The following ASMTL variants were observed in gnomAD, a reference collection of about 807,000 sequenced individuals.
ASMTL encodes probable bifunctional dTTP/UTP pyrophosphatase/methyltransferase protein.
A neutral mutation model predicts 60.3 loss-of-function variants in ASMTL; 57 were observed. The ratio of observed to expected loss-of-function variants is 0.95; its 90% CI spans 0.76 to 1.18. ASMTL has a LOEUF of 1.18. Ranked by LOEUF, ASMTL falls within the 50% of genes most tolerant of loss-of-function variation. ASMTL has a pLI of 0.00. For synonymous variants in ASMTL, 419 were observed against 373.0 expected (o/e 1.12, Z -1.42); for missense variants, 981 against 852.6 (o/e 1.15, Z -1.88).
At chrX:1,427,379 T>G (rs1476685080) in intron 7 of ASMTL, among the ~76,000 whole-genome samples, 1 of 151,630 alleles carries the variant, frequency 6.6e-6, no homozygotes, top group Non-Finnish European at 1.5e-5. Flanking sequence ...TCTTGGCAGA[T>G]GTAATTAAGA....
intron 6 of ASMTL, among the ~76,000 whole-genome samples, chrX:1,430,921 CATTATAT>C (rs775038409): frequency 0.024 from 3,342 of 139,908 alleles, 146 homozygotes; most frequent in African/African-American, 0.084. Flanking sequence ...ACACATAATA[CATTATAT>C]ATTATATATA....
Position 1,412,658 on chromosome X carries a change from C to T in ASMTL, c.1645+74G>A, listed in dbSNP as rs764134613. The T allele has an allele frequency of 1.4e-4, 221 of 1,603,864 alleles. 1 individual carries two copies. Among genetic ancestry groups the T allele is most frequent in the African/African-American group, 6.1e-4 (46 of 74,830 alleles). Reference sequence around the variant, plus strand: ...GATGACAGGCGTGAGCCACCGCGCCCGGCCTCCTTGTAAAACTTGAACCCA... The same window carrying T: ...GATGACAGGCGTGAGCCACCGCGCCTGGCCTCCTTGTAAAACTTGAACCCA... On this transcript the variant is annotated intron_variant, in intron 12 of 12. Coordinates refer to ENST00000381317, the MANE Select transcript of ASMTL (RefSeq NM_004192.4).
At chrX:1,451,062 C>A (rs2091363319) in intron 1 of ASMTL, among the ~76,000 whole-genome samples, 2 of 148,738 alleles carry the variant, frequency 1.3e-5, no homozygotes, top group South Asian at 4.3e-4. Flanking sequence ...TCTCCCCTCC[C>A]CCATACCTAG....
At chrX:1,421,994 A>G in intron 8 of ASMTL, 152 bp from the exon 9 acceptor site, 2 of 716,916 alleles carry the variant, frequency 2.8e-6, no homozygotes, top group Non-Finnish European at 4.9e-6. Flanking sequence ...TAGGGGATGC[A>G]TCATTGAGAT....
chrX:1,404,620 CGAAT>C lies in ASMTL; in HGVS notation c.1646-1135_1646-1132del, dbSNP rs766081554. On this transcript the variant is annotated intron_variant, in intron 12 of 12. Coordinates refer to ENST00000381317, the MANE Select transcript of ASMTL (RefSeq NM_004192.4). The stretch of plus-strand genomic sequence containing the variant: ...GATAGATGATGGGTAGGTAGGTAGA[CGAAT>C]GGACGGATAGATGGATGCATGGATG... Among the ~76,000 whole-genome samples, 657 of 114,342 alleles carry C rather than the reference CGAAT, an allele frequency of 5.7e-3. 7 individuals carry two copies. The highest frequency in any genetic ancestry group is 0.021 in the African/African-American group (619 of 29,246). The allele number at this position is 114,342 out of a possible 152,430, so 75.0% of individuals were successfully genotyped here. A position where few individuals can be genotyped will look rare whatever the true frequency, so the allele number is the denominator to read the frequency against.
Position 1,431,516 on chromosome X carries a change from AATC to A in ASMTL, c.509+750_509+752del, listed in dbSNP as rs762802875. On this transcript the variant is annotated intron_variant, in intron 6 of 12. Transcript: ENST00000381317. ...CTACTTATTAAAATTAATCATTAAA[AATC>A]ATTAAATTTCAATCAAAAGTGTTAA... Among the ~76,000 whole-genome samples, 1,071 of 140,776 alleles carry A rather than the reference AATC, an allele frequency of 7.6e-3. 15 individuals are homozygous for A. The highest frequency in any genetic ancestry group is 0.026 in the African/African-American group (1,023 of 39,044). The allele number at this position is 140,776 out of a possible 152,430, so 92.4% of individuals were successfully genotyped here.
intron 11 of ASMTL, among the ~76,000 whole-genome samples, chrX:1,416,276 C>T: frequency 6.7e-6 from 1 of 148,748 alleles, no homozygotes; most frequent in Non-Finnish European, 1.5e-5. Context: ...CACAGATACA[C>T]CAACAGACAG....
intron 6 of ASMTL, among the ~76,000 whole-genome samples, chrX:1,431,274 T>A (rs2090776264): frequency 1.6e-5 from 2 of 128,850 alleles, no homozygotes; most frequent in South Asian, 4.7e-4. Context: ...TATATATTTA[T>A]ATATAAATAA....
chrX:1,421,236 G>T (rs1235303238), intron 9 of ASMTL, among the ~76,000 whole-genome samples: 1 of 152,050 alleles, frequency 6.6e-6, no homozygotes, highest in African/African-American at 2.4e-5. Flanking sequence ...AACTAGCTGG[G>T]ATTACAGGCT....
At chrX:1,440,056 C>G (rs1352964763) in intron 2 of ASMTL, among the ~76,000 whole-genome samples, 2 of 151,508 alleles carry the variant, frequency 1.3e-5, no homozygotes, top group African/African-American at 4.8e-5. Context: ...GCACGACTCA[C>G]AACAGCCTTA....
Position 1,433,548 on chromosome X carries a change from G to A in ASMTL, c.401-1171C>T, listed in dbSNP as rs1296425564. 1.4e-4 allele frequency among the ~76,000 whole-genome samples: 21 copies of A among 151,200 alleles called. No individual in the cohort carries two copies. The South Asian group carries it at 4.4e-3, about 32-fold the overall frequency. ...ATAGAAAAAATTAGCCGGGCGTGGTGGCGGGCCCGTCGTCCCAGCTACTCG... is the reference window on the plus strand; with the variant it reads ...ATAGAAAAAATTAGCCGGGCGTGGTAGCGGGCCCGTCGTCCCAGCTACTCG... On this transcript the variant is annotated intron_variant, in intron 5 of 12. Coordinates refer to ENST00000381317, the MANE Select transcript of ASMTL (RefSeq NM_004192.4).
chrX:1,452,522 A>C (rs2091422916), intron 1 of ASMTL, among the ~76,000 whole-genome samples: 2 of 110,918 alleles, frequency 1.8e-5, no homozygotes, highest in African/African-American at 3.6e-5. Context: ...CCCCACCCCC[A>C]TGCCTAGGGG....
intron 11 of ASMTL, among the ~76,000 whole-genome samples, chrX:1,417,122 TGCACACAGACACAC>T (rs1179658624): frequency 1.4e-5 from 2 of 147,864 alleles, no homozygotes; most frequent in Admixed American, 1.4e-4. Context: ...CCCAGACACA[TGCACACAGACACAC>T]AACCACAGCA....
intron 2 of ASMTL, among the ~76,000 whole-genome samples, chrX:1,439,940 G>T (rs1360048701): frequency 1.3e-5 from 2 of 152,092 alleles, no homozygotes; most frequent in African/African-American, 2.4e-5. Flanking sequence ...AGAGCAACAG[G>T]CAGTCACAGG....
At position 1,420,045 on chromosome X, in the gene ASMTL, ATGTC is replaced by A. The variant is rs1412698893; in HGVS notation, c.1246-935_1246-932del. Among the ~76,000 whole-genome samples, 30 of 49,420 alleles carry A rather than the reference ATGTC, an allele frequency of 6.1e-4. No individual in the cohort carries two copies. The South Asian group carries it at 6.9e-3, about 11-fold the overall frequency. The allele number at this position is 49,420 out of a possible 152,430, so 32.4% of individuals were successfully genotyped here. ...TCTATCTCCCTCTGTCTCTGTCTCTATGTCTGTCTCCTGTTTCTGTCTCTATCTG... is the reference window on the plus strand; with the variant it reads ...TCTATCTCCCTCTGTCTCTGTCTCTATGTCTCCTGTTTCTGTCTCTATCTG... On this transcript the variant is annotated intron_variant, in intron 9 of 12. Coordinates refer to ENST00000381317, the MANE Select transcript of ASMTL (RefSeq NM_004192.4).
rs1418793788 is a variant in ASMTL, at chrX:1,421,683, C to T, written c.1220G>A (p.Gly407Glu). Residue 407 changes from glycine to glutamate, a missense_variant, in exon 9 of 13, where the codon GGG (glycine) becomes GAG (glutamate). By Grantham distance (98) the Gly-to-Glu change is moderately conservative. Coordinates refer to ENST00000381317, the MANE Select transcript of ASMTL (RefSeq NM_004192.4). The stretch of plus-strand genomic sequence containing the variant: ...CTGGAACAGATCTTCCGCCTTCTTC[C>T]CCAACGCCCTGTGGTGCTGGTTTGT... ...EGTNQHHRAL[G>E]KKAEDLFQDA... 8 of 1,613,746 alleles carry T rather than the reference C, an allele frequency of 5.0e-6. No homozygotes were observed. The highest frequency in any genetic ancestry group is 1.7e-5 in the Admixed American group (1 of 59,970).
chrX:1,417,022 C>G (rs1388503886), intron 11 of ASMTL, among the ~76,000 whole-genome samples: 2 of 22,884 alleles, frequency 8.7e-5, no homozygotes, highest in African/African-American at 1.1e-4. Flanking sequence ...CTCAGAAACA[C>G]ACAGAGACAC....
chrX:1,413,379 G>A (rs2090111377), intron 11 of ASMTL, among the ~76,000 whole-genome samples: 1 of 152,186 alleles, frequency 6.6e-6, no homozygotes, highest in African/African-American at 2.4e-5. Context: ...GGGAATTCAG[G>A]GGCAGCACCT....
rs747352953 is a variant in ASMTL, at chrX:1,405,288, A to G, written c.1646-1799T>C. ...CGTAGATAGATGAGTGGATGGATAGATGGATGTGATGGATGGGTGAATAGA... is the reference window on the plus strand; with the variant it reads ...CGTAGATAGATGAGTGGATGGATAGGTGGATGTGATGGATGGGTGAATAGA... On this transcript the variant is annotated intron_variant, in intron 12 of 12. Transcript: ENST00000381317. Among the ~76,000 whole-genome samples the G allele has an allele frequency of 1.7e-4, 23 of 136,822 alleles. 1 individual carries two copies. Among genetic ancestry groups the G allele is most frequent in the East Asian group, 1.4e-3 (7 of 4,984 alleles). The allele number at this position is 136,822 out of a possible 152,430, so 89.8% of individuals were successfully genotyped here. A position where few individuals can be genotyped will look rare whatever the true frequency, so the allele number is the denominator to read the frequency against.
Sources: allele counts gnomAD v4.1 joint callset (sites outside exome capture counted in the v4.1 genomes callset), GRCh38; gene constraint gnomAD v4.1.1; transcripts MANE v1.5; gene names NCBI Gene and HGNC (gene_info 2026-07-23, HGNC 2026-07-21).